BORA: variants seen among roughly 807,000 people sequenced by gnomAD.
BORA encodes BORA aurora kinase A activator.
BORA carries 26 observed loss-of-function variants against 55.8 expected under a neutral mutation model. That is an observed-to-expected ratio of 0.47 (90% confidence interval 0.34 to 0.65). The LOEUF is 0.65. Among genes scored for constraint, BORA ranks in the 30% least tolerant of loss-of-function variants. The pLI, the probability that BORA is intolerant of heterozygous loss-of-function variation, is 0.01. For missense variants in BORA, 568 were observed against 671.5 expected (o/e 0.85, Z 1.70); for synonymous variants, 201 against 216.9 (o/e 0.93, Z 0.64).
intron 11 of BORA, 50 bp from the exon 12 acceptor site, chr13:72,755,101 C>T (rs1193694347): frequency 1.3e-6 from 2 of 1,504,874 alleles, no homozygotes; most frequent in East Asian, 2.3e-5. Context: ...ATTGCATCCT[C>T]CAGTGGTCCT....
intron 1 of BORA, chr13:72,728,321 G>A: frequency 1.6e-6 from 1 of 612,614 alleles, no homozygotes; most frequent in East Asian, 2.8e-5. Flanking sequence ...TATCCCGGGA[G>A]GGGTGGAGGG....
intron 10 of BORA, 106 bp from the exon 11 acceptor site, chr13:72,753,584 T>G: frequency 8.5e-7 from 1 of 1,170,626 alleles, no homozygotes; most frequent in Non-Finnish European, 1.2e-6. Flanking sequence ...TATTACATGT[T>G]AGGATCATTC....
At chr13:72,740,525 G>A (rs947625649) in intron 5 of BORA, among the ~76,000 whole-genome samples, 3 of 152,092 alleles carry the variant, frequency 2.0e-5, no homozygotes, top group Non-Finnish European at 2.9e-5. Context: ...TGTGGATATC[G>A]AGTAGTATAG....
chr13:72,728,487 T>C (rs2032735375), intron 1 of BORA, among the ~76,000 whole-genome samples: 1 of 152,194 alleles, frequency 6.6e-6, no homozygotes, highest in Admixed American at 6.5e-5. Flanking sequence ...AATTGTTTAA[T>C]AGCAACTGTA....
chr13:72,734,967 A>G lies in BORA; in HGVS notation c.268A>G (p.Lys90Glu). ...TTCTTTATCTTTGTATAGAATAGAT[A>G]AAGATGTGGAAGACAAAAGACAAAA... is the stretch of plus-strand genomic sequence containing the variant. Reference protein sequence around the residue: ...ALYLSHSRIDKDVEDKRQKAI... With the variant: ...ALYLSHSRIDEDVEDKRQKAI... Residue 90 changes from lysine (K) to glutamate (E), a missense_variant, in exon 4 of 12, where the codon AAA becomes GAA. Transcript: ENST00000390667. 3 of 1,580,376 alleles carry G rather than the reference A, an allele frequency of 1.9e-6. No homozygotes were observed. The highest frequency in any genetic ancestry group is 2.2e-5 in the East Asian group (1 of 44,460).
intron 11 of BORA, chr13:72,754,943 G>T: frequency 2.0e-6 from 1 of 492,252 alleles, no homozygotes; most frequent in Non-Finnish European, 3.6e-6. Context: ...CAAACTCCTG[G>T]GCTCGTGCGA....
chr13:72,747,040 G>A lies in BORA; in HGVS notation c.1411G>A (p.Glu471Lys). ...TGTAAGTGGCATTGCCTTCAGTATT[G>A]AAAACTCTCATATGTGCATGTCACC... is the stretch of plus-strand genomic sequence containing the variant. Reference protein sequence around the residue: ...DFVSGIAFSIENSHMCMSPLA... With the variant: ...DFVSGIAFSIKNSHMCMSPLA... The change falls in exon 10 of 12, where the codon GAA (glutamate) becomes AAA (lysine). Residue 471 changes from glutamate (E) to lysine (K), a missense_variant. Glu to Lys is a moderately conservative substitution (Grantham distance 56). Coordinates refer to ENST00000390667, the MANE Select transcript of BORA (RefSeq NM_024808.5). The A allele has an allele frequency of 1.2e-6, 2 of 1,614,044 alleles. No homozygotes were observed. The highest frequency in any genetic ancestry group is 1.1e-5 in the South Asian group (1 of 91,068).
intron 10 of BORA, 24 bp downstream of exon 10, chr13:72,747,135 C>T: frequency 1.2e-6 from 2 of 1,602,400 alleles, no homozygotes; most frequent in Non-Finnish European, 8.5e-7. Flanking sequence ...TATTCTATAG[C>T]CCCTTCCTCA....
chr13:72,728,430 G>T (rs1386934252), intron 1 of BORA, among the ~76,000 whole-genome samples: 1 of 152,190 alleles, frequency 6.6e-6, no homozygotes, highest in African/African-American at 2.4e-5. Flanking sequence ...GGACTCATGT[G>T]CAAGAAAGGC....
At chr13:72,740,882 A>C (rs2033021183) in intron 5 of BORA, among the ~76,000 whole-genome samples, 1 of 152,204 alleles carries the variant, frequency 6.6e-6, no homozygotes, top group South Asian at 2.1e-4. Context: ...TAGATGAGTT[A>C]CTTAGCTTTT....
At chr13:72,749,572 T>C (rs1271609097) in intron 10 of BORA, among the ~76,000 whole-genome samples, 1 of 152,140 alleles carries the variant, frequency 6.6e-6, no homozygotes, top group Non-Finnish European at 1.5e-5. Flanking sequence ...TATAATAACC[T>C]TTCTATTGAG....
At chr13:72,734,284 T>G (rs887811248) in intron 3 of BORA, among the ~76,000 whole-genome samples, 1 of 152,118 alleles carries the variant, frequency 6.6e-6, no homozygotes, top group African/African-American at 2.4e-5. Context: ...GCAAGGATTC[T>G]TTCCTGTAAT....
At chr13:72,736,410 A>G (rs1339622237) in intron 4 of BORA, among the ~76,000 whole-genome samples, 2 of 152,114 alleles carry the variant, frequency 1.3e-5, no homozygotes, top group Admixed American at 6.6e-5. Flanking sequence ...TTTCAGATTA[A>G]TTTTACTTAT....
rs1403738004 is a variant in BORA at position 72,755,984 on chromosome 13, G to A, written c.*768G>A. The A allele has an allele frequency of 5.0e-6, 2 of 398,474 alleles. No individual in the cohort carries two copies. Among genetic ancestry groups the A allele is most frequent in the East Asian group, 7.1e-5 (2 of 28,076 alleles). 24.7% of individuals were successfully genotyped at this position (398,474 alleles called of 1,614,324 possible). On this transcript the variant is annotated 3_prime_UTR_variant, in exon 12 of 12. Coordinates refer to ENST00000390667, the MANE Select transcript of BORA (RefSeq NM_024808.5). ...AGAGAAAAAGTGGGGCTGGGAGAGT[G>A]GAGTTCCCGTAGGGCATAGGCCTGT...
chr13:72,737,270 T>C (rs911408751), intron 4 of BORA, among the ~76,000 whole-genome samples: 1 of 152,254 alleles, frequency 6.6e-6, no homozygotes, highest in South Asian at 2.1e-4. Flanking sequence ...CTATCCATAG[T>C]GTAAGTACTC....
At chr13:72,738,345 TG>T (rs1318900460) in intron 5 of BORA, among the ~76,000 whole-genome samples, 2 of 152,148 alleles carry the variant, frequency 1.3e-5, no homozygotes, top group African/African-American at 4.8e-5. Flanking sequence ...AGAGATGAGT[TG>T]TTAATGACTT....
At chr13:72,750,165 A>T (rs1466806342) in intron 10 of BORA, among the ~76,000 whole-genome samples, 1 of 152,220 alleles carries the variant, frequency 6.6e-6, no homozygotes, top group Non-Finnish European at 1.5e-5. Flanking sequence ...GACTGAAAAG[A>T]ACCAGCCAAA....
chr13:72,742,391 AATT>A (rs1311513264), intron 5 of BORA, among the ~76,000 whole-genome samples: 2 of 151,956 alleles, frequency 1.3e-5, no homozygotes, highest in African/African-American at 4.8e-5. Flanking sequence ...GAGTTAAAAT[AATT>A]TGCACCCATA....
chr13:72,730,221 G>A (rs149601392), intron 2 of BORA, among the ~76,000 whole-genome samples: 1 of 152,204 alleles, frequency 6.6e-6, no homozygotes, highest in East Asian at 1.9e-4. Flanking sequence ...CTTTCATACA[G>A]GTTTTACAAT....
Sources: allele counts gnomAD v4.1 joint callset (sites outside exome capture counted in the v4.1 genomes callset), GRCh38; gene constraint gnomAD v4.1.1; transcripts MANE v1.5; gene names NCBI Gene and HGNC (gene_info 2026-07-23, HGNC 2026-07-21).